NUMA1: variants seen among roughly 807,000 people sequenced by gnomAD.
NUMA1 encodes nuclear mitotic apparatus protein 1.
Under a neutral mutation model 237.1 loss-of-function variants are expected in NUMA1, and 62 were observed. The ratio of observed to expected loss-of-function variants is 0.26; its 90% confidence interval spans 0.21 to 0.32. NUMA1 has a LOEUF of 0.32. NUMA1 is among the 10% of genes least tolerant of loss of function. NUMA1 has a pLI of 1.00. For missense variants in NUMA1, 2,533 were observed against 2,666.5 expected (o/e 0.95, Z 1.10); for synonymous variants, 1,028 against 1,066.1 (o/e 0.96, Z 0.70).
Position 72,012,440 on chromosome 11 carries a change from CACCTGTACATGGGGG to C in NUMA1, c.4609-13_4610del. Reference sequence around the variant, plus strand: ...CTCTCTGAAATACCTCTAGCTGCTCCACCTGTACATGGGGGAGGAGCAACAGAGACAGAGTGAGAT... The same window carrying C: ...CTCTCTGAAATACCTCTAGCTGCTCCAGGAGCAACAGAGACAGAGTGAGAT... On this transcript the variant is annotated splice_acceptor_variant and splice_polypyrimidine_tract_variant and coding_sequence_variant and intron_variant, in exon 16 of 27. Coordinates refer to ENST00000393695, the MANE Select transcript of NUMA1 (RefSeq NM_006185.4). LOFTEE classifies it high-confidence loss of function. 6.2e-7 allele frequency: 1 copy of C among 1,612,898 alleles called. No individual in the cohort carries two copies. The highest frequency in any genetic ancestry group is 1.1e-5 in the South Asian group (1 of 90,622).
chr11:72,051,471 A>AT (rs61257330), intron 2 of NUMA1, among the ~76,000 whole-genome samples: 123,869 of 142,760 alleles, frequency 0.87, 54,015 homozygotes, highest in Non-Finnish European at 0.93. Flanking sequence ...GAATTCAAAG[A>AT]TTTTTTTTTT....
chr11:72,004,534 G>A (rs1423808773), intron 24 of NUMA1, 106 bp downstream of exon 24: 1 of 1,304,098 alleles, frequency 7.7e-7, no homozygotes, highest in South Asian at 1.3e-5. Context: ...GAGGGAAAGA[G>A]AGGGGGAAGT....
chr11:72,008,726 A>G lies in NUMA1; in HGVS notation c.5178T>C (p.Asp1726=). ...PQLDLSIDSL[D]LSCEEGTPLS... is the part of the protein sequence containing the mutation. The stretch of plus-strand genomic sequence containing the variant: ...GTGGGGTCCCCTCCTCGCAGCTCAG[A>G]TCCAGGCTGTCAATACTCAAGTCCA... Residue 1726 remains aspartate (D), a synonymous_variant, in exon 20 of 27, where the codon GAT becomes GAC. Transcript: ENST00000393695. 6.2e-7 allele frequency: 1 copy of G among 1,614,064 alleles called. No homozygotes were observed. Among genetic ancestry groups the G allele is most frequent in the Non-Finnish European group, 8.5e-7 (1 of 1,180,022 alleles).
Position 72,004,570 on chromosome 11 carries a change from T to C in NUMA1, c.6006+70A>G, listed in dbSNP as rs1371971101. ...GAGGGAAGGAGAGAGAAGGCTCCCT[T>C]TAGTCCTTGGTGAGCTGGGCCTGAC... On this transcript the variant is annotated intron_variant, in intron 24 of 26. Coordinates refer to ENST00000393695, the MANE Select transcript of NUMA1 (RefSeq NM_006185.4). The C allele has an allele frequency of 1.3e-5, 19 of 1,500,528 alleles. No individual in the cohort carries two copies. In the East Asian group the frequency reaches 4.1e-4, roughly 32 times the overall value. 93.0% of individuals were successfully genotyped at this position (1,500,528 alleles called of 1,614,324 possible).
chr11:72,035,919 C>G lies in NUMA1; in HGVS notation c.25G>C (p.Ala9Pro), dbSNP rs1940969422. The stretch of plus-strand genomic sequence containing the variant: ...CTACTTACCCAAGAGAGGAGTGCAG[C>G]CCCCCGGGTGGCGTGGAGTGTCATC... MTLHATRG[A>P]ALLSWVNSLH... Residue 9 changes from alanine to proline, a missense_variant, in exon 3 of 27, where the codon GCT (alanine) becomes CCT (proline). Ala to Pro is a conservative substitution (Grantham distance 27). This residue lies in a region of NUMA1 where 1,414 missense variants were observed against 1,508.1 expected (regional missense o/e 0.94). Transcript: ENST00000393695. 6.2e-7 allele frequency: 1 copy of G among 1,613,490 alleles called. No individual in the cohort carries two copies. Among genetic ancestry groups the G allele is most frequent in the Middle Eastern group, 1.7e-4 (1 of 6,048 alleles).
Position 72,012,434 on chromosome 11 carries a change from C to T in NUMA1, c.4617G>A (p.Gln1539=). 1.2e-6 allele frequency: 2 copies of T among 1,613,066 alleles called. No individual in the cohort carries two copies. Among genetic ancestry groups the T allele is most frequent in the Non-Finnish European group, 1.7e-6 (2 of 1,179,498 alleles). ...ERQKLTAQVE[Q]LEVFQREQTK... ...TTTGCTCTCTCTGAAATACCTCTAG[C>T]TGCTCCACCTGTACATGGGGGAGGA... Residue 1539 remains glutamine, a synonymous_variant, in exon 16 of 27, where the codon CAG becomes CAA. Transcript: ENST00000393695.
At chr11:72,043,902 T>C (rs796879902) in intron 2 of NUMA1, among the ~76,000 whole-genome samples, 28 of 152,268 alleles carry the variant, frequency 1.8e-4, no homozygotes, top group African/African-American at 6.3e-4. Flanking sequence ...CACTCCAGCC[T>C]GGGTGCCAGA....
rs1955814448 is a variant in NUMA1 at position 72,007,453 on chromosome 11, G to A, written c.5217-18C>T. 6.2e-7 allele frequency: 1 copy of A among 1,612,116 alleles called. No individual in the cohort carries two copies. Among genetic ancestry groups the A allele is most frequent in the South Asian group, 1.1e-5 (1 of 90,996 alleles). ...GCAGCTTGCTATGGAAAGGAAACCTGCTGAGGTACAGTCCTTCACGCTAGA... is the reference window on the plus strand; with the variant it reads ...GCAGCTTGCTATGGAAAGGAAACCTACTGAGGTACAGTCCTTCACGCTAGA... On this transcript the variant is annotated intron_variant, in intron 20 of 26. Transcript: ENST00000393695.
chr11:72,011,258 C>T (rs1382561289), intron 16 of NUMA1, among the ~76,000 whole-genome samples: 1 of 152,214 alleles, frequency 6.6e-6, no homozygotes, highest in Non-Finnish European at 1.5e-5. Flanking sequence ...TCAATGAATT[C>T]CCATGCCTCC....
Position 72,014,545 on chromosome 11 carries a change from G to T in NUMA1, c.2958C>A (p.Ala986=), listed in dbSNP as rs200722845. Residue 986 remains alanine, a synonymous_variant, in exon 15 of 27, where the codon GCC becomes GCA. Transcript: ENST00000393695. The surrounding 1 kb of genome is among the most constrained non-coding windows in gnomAD (Gnocchi z 4.6). Reference sequence around the variant, plus strand: ...GCTGCCCCTGGCTCTCCATCAGCGCGGCCCGCAGCCGTTCCAGCTCATTGC... The same window carrying T: ...GCTGCCCCTGGCTCTCCATCAGCGCTGCCCGCAGCCGTTCCAGCTCATTGC... ...QMGNELERLR[A]ALMESQGQQQ... 1 of 1,602,360 alleles carries T rather than the reference G, an allele frequency of 6.2e-7. No homozygotes were observed. The highest frequency in any genetic ancestry group is 8.5e-7 in the Non-Finnish European group (1 of 1,179,964).
In NUMA1 at chr11:72,003,881, C is replaced by T; in HGVS notation, c.6336+6G>A. 6.2e-7 allele frequency: 1 copy of T among 1,613,454 alleles called. No individual in the cohort carries two copies. The highest frequency in any genetic ancestry group is 2.2e-5 in the East Asian group (1 of 44,880). On this transcript the variant is annotated splice_donor_region_variant and intron_variant, in intron 26 of 26. Transcript: ENST00000393695. ...TTTCCCTCCCCCATCCTGCCAGTGC[C>T]TCTACCTTGCCCTTGGCTCGAGGGG...
chr11:72,072,291 C>A (rs749004639), intron 1 of NUMA1: 3 of 154,590 alleles, frequency 1.9e-5, no homozygotes, highest in Non-Finnish European at 4.4e-5. Flanking sequence ...ATTGCATCCA[C>A]CTTGCCACCG....
At chr11:72,063,194 G>T (rs957011771) in intron 2 of NUMA1, among the ~76,000 whole-genome samples, 3 of 151,988 alleles carry the variant, frequency 2.0e-5, no homozygotes, top group African/African-American at 7.3e-5. Context: ...GACCAGCCTG[G>T]GCAACATAGT....
intron 1 of NUMA1, among the ~76,000 whole-genome samples, chr11:72,073,239 C>G (rs1424399436): frequency 6.8e-6 from 1 of 147,016 alleles, no homozygotes; most frequent in African/African-American, 2.5e-5. Context: ...AGCTACACTA[C>G]TTAGGAGGCT....
At chr11:72,009,587 C>T (rs1956005902) in intron 17 of NUMA1, among the ~76,000 whole-genome samples, 200 bp from the exon 18 acceptor site, 1 of 152,254 alleles carries the variant, frequency 6.6e-6, no homozygotes, top group Admixed American at 6.5e-5. Context: ...CAGTCCACAT[C>T]CGTAGTGGCC....
At chr11:72,007,135 C>T in intron 21 of NUMA1, 54 bp downstream of exon 21, 1 of 1,592,078 alleles carries the variant, frequency 6.3e-7, no homozygotes, top group Non-Finnish European at 8.5e-7. Flanking sequence ...GCAAAGATGC[C>T]CTTGAGAGGA....
At chr11:72,065,158 T>A (rs1943143427) in intron 2 of NUMA1, 3 of 152,278 alleles carry the variant, frequency 2.0e-5, no homozygotes, top group Middle Eastern at 3.4e-3. Flanking sequence ...TTTGTAGATA[T>A]GTATCATAAG....
chr11:72,023,399 T>C (rs1220254032), intron 5 of NUMA1, among the ~76,000 whole-genome samples: 2 of 152,084 alleles, frequency 1.3e-5, no homozygotes, highest in African/African-American at 4.8e-5. Context: ...CAACTCTGGG[T>C]CATGATGTTG....
Position 72,031,694 on chromosome 11 carries a change from G to A in NUMA1, c.43-2404C>T, listed in dbSNP as rs896758409. 4.2e-4 allele frequency among the ~76,000 whole-genome samples: 64 copies of A among 152,044 alleles called. 1 individual carries two copies. Among genetic ancestry groups the A allele is most frequent in the African/African-American group, 1.5e-3 (64 of 41,384 alleles). ...TGGCTTGCGCCTGTATGCTCGCGTA[G>A]TCCCTGCTACTCGGGAGGCTGACGT... On this transcript the variant is annotated intron_variant, in intron 3 of 26. Coordinates refer to ENST00000393695, the MANE Select transcript of NUMA1 (RefSeq NM_006185.4).
Sources: gnomAD v4.1 joint callset for allele counts (sites outside exome capture counted in the v4.1 genomes callset) on GRCh38, gnomAD v4.1.1 for gene constraint, gnomAD v4.1.1 regional missense constraint, Gnocchi (gnomAD v3.1) non-coding constraint, MANE v1.5 for transcripts, NCBI Gene and HGNC (gene_info 2026-07-23, HGNC 2026-07-21) for gene names.